PTPRT: variants seen among roughly 807,000 people sequenced by gnomAD.
The protein encoded by PTPRT is receptor-type tyrosine-protein phosphatase T.
PTPRT carries 56 observed loss-of-function variants against 176.8 expected under a neutral mutation model. That is an observed-to-expected ratio of 0.32 (90% CI 0.26 to 0.40). The LOEUF (loss-of-function observed/expected upper bound fraction) is 0.40. Among genes scored for constraint, PTPRT ranks in the 10% least tolerant of loss-of-function variants. The pLI is 1.00. For synonymous variants in PTPRT, 783 were observed against 739.0 expected (o/e 1.06, Z -0.96); for missense variants, 1,540 against 1,908.2 (o/e 0.81, Z 3.60).
intron 9 of PTPRT, among the ~76,000 whole-genome samples, chr20:42,435,709 A>C (rs979970216): frequency 1.5e-4 from 23 of 152,260 alleles, no homozygotes; most frequent in Non-Finnish European, 2.6e-4. Flanking sequence ...TCAATTACCC[A>C]CATATTGTTC....
intron 1 of PTPRT, among the ~76,000 whole-genome samples, chr20:43,116,140 T>TCA (rs1409702758): frequency 1.3e-5 from 2 of 152,154 alleles, no homozygotes; most frequent in African/African-American, 4.8e-5. Flanking sequence ...CACCCAAGAA[T>TCA]CACTTTTTCA....
intron 1 of PTPRT, among the ~76,000 whole-genome samples, chr20:43,003,218 C>T (rs1458469240): frequency 2.0e-5 from 3 of 152,136 alleles, no homozygotes; most frequent in Non-Finnish European, 4.4e-5. Context: ...GACAGGGTCT[C>T]ACTCTGTCAC....
chr20:42,819,829 T>C (rs965344569), intron 2 of PTPRT, among the ~76,000 whole-genome samples: 2 of 152,118 alleles, frequency 1.3e-5, no homozygotes, highest in African/African-American at 4.8e-5. Context: ...AAGAAAGGCA[T>C]TACATAATGG....
chr20:43,004,936 A>G (rs2146137946), intron 1 of PTPRT, among the ~76,000 whole-genome samples: 1 of 152,306 alleles, frequency 6.6e-6, no homozygotes, highest in South Asian at 2.1e-4. Context: ...TTGGCTTTGT[A>G]TATAAGATAC....
chr20:43,065,333 T>C (rs531757391), intron 1 of PTPRT, among the ~76,000 whole-genome samples: 2 of 152,290 alleles, frequency 1.3e-5, no homozygotes, highest in African/African-American at 4.8e-5. Flanking sequence ...TCACATGTAG[T>C]AAGGATTTAC....
chr20:42,032,520 A>G, the PTPRT span, among the ~76,000 whole-genome samples: 3 of 152,172 alleles, frequency 2.0e-5, no homozygotes, highest in African/African-American at 7.2e-5. Context: ...ATTTCTTATT[A>G]ATCATGAGAT....
intron 16 of PTPRT, among the ~76,000 whole-genome samples, chr20:42,190,714 C>A (rs1329028424): frequency 6.6e-6 from 1 of 152,204 alleles, no homozygotes; most frequent in Non-Finnish European, 1.5e-5. Context: ...GCTGATGCTG[C>A]TGTTCTGGAG....
At chr20:42,108,116 G>A (rs1233817361) in intron 23 of PTPRT, among the ~76,000 whole-genome samples, 1 of 151,848 alleles carries the variant, frequency 6.6e-6, no homozygotes. Flanking sequence ...GCCCAATTTG[G>A]TTCCAAATTT....
chr20:43,132,603 T>C (rs912198702), intron 1 of PTPRT, among the ~76,000 whole-genome samples: 8 of 152,144 alleles, frequency 5.3e-5, no homozygotes, highest in African/African-American at 1.7e-4. Context: ...AAACACAGCA[T>C]GAAGAATCAG....
chr20:42,300,918 T>C (rs1387371268), intron 12 of PTPRT, among the ~76,000 whole-genome samples: 2 of 117,346 alleles, frequency 1.7e-5, no homozygotes, highest in African/African-American at 3.4e-5. Flanking sequence ...TGAGAACACA[T>C]GGACACAGGA....
intron 1 of PTPRT, among the ~76,000 whole-genome samples, chr20:42,910,888 A>C (rs929419336): frequency 6.6e-6 from 1 of 152,200 alleles, no homozygotes; most frequent in African/African-American, 2.4e-5. Flanking sequence ...GCCTCAAAAA[A>C]CTTATAATCA....
At chr20:42,301,231 A>C (rs2057463699) in intron 12 of PTPRT, among the ~76,000 whole-genome samples, 1 of 152,252 alleles carries the variant, frequency 6.6e-6, no homozygotes, top group African/African-American at 2.4e-5. Flanking sequence ...TGTGCCACCT[A>C]GTATGACACA....
chr20:42,225,715 C>T (rs913370044), intron 15 of PTPRT, among the ~76,000 whole-genome samples: 5 of 152,182 alleles, frequency 3.3e-5, no homozygotes, highest in Non-Finnish European at 5.9e-5. Flanking sequence ...CGCAGCTGCA[C>T]GATCTTGGCT....
In PTPRT at chr20:42,077,187, G is replaced by A. The variant is rs1982858383; in HGVS notation, c.*3692C>T. ...TTCCTTTGCAGGCCACACCCACAGAGAGGGCCAGCACTAAAAGCAAACTGT... is the reference window on the plus strand; with the variant it reads ...TTCCTTTGCAGGCCACACCCACAGAAAGGGCCAGCACTAAAAGCAAACTGT... On this transcript the variant is annotated 3_prime_UTR_variant, in exon 31 of 31. Transcript: ENST00000373187. 5.4e-6 allele frequency: 1 copy of A among 184,334 alleles called. No individual in the cohort carries two copies. 11.4% of individuals were successfully genotyped at this position (184,334 alleles called of 1,614,324 possible).
intron 17 of PTPRT, among the ~76,000 whole-genome samples, chr20:42,148,260 ATTTTT>A (rs34255255): frequency 7.0e-5 from 8 of 114,074 alleles, no homozygotes; most frequent in African/African-American, 2.2e-4. Context: ...CAAGGCAGTC[ATTTTT>A]TTTTTTTTTT....
intron 2 of PTPRT, among the ~76,000 whole-genome samples, chr20:42,809,997 T>C (rs2077674130): frequency 6.6e-6 from 1 of 152,046 alleles, no homozygotes; most frequent in African/African-American, 2.4e-5. Context: ...TTTGTACTAA[T>C]AAAATAGAGT....
At chr20:42,785,838 C>G (rs1370731722) in intron 3 of PTPRT, among the ~76,000 whole-genome samples, 3 of 152,114 alleles carry the variant, frequency 2.0e-5, no homozygotes, top group African/African-American at 7.2e-5. Flanking sequence ...TCCTTTTTCC[C>G]TCCCTCCCTT....
chr20:42,068,654 T>G (rs1465094816), downstream of PTPRT, among the ~76,000 whole-genome samples: 1 of 152,230 alleles, frequency 6.6e-6, no homozygotes, highest in Non-Finnish European at 1.5e-5. Flanking sequence ...TTTGCATCTT[T>G]TAGGCAGCAA....
chr20:42,603,049 C>A (rs1030161324), intron 7 of PTPRT, among the ~76,000 whole-genome samples: 15 of 152,188 alleles, frequency 9.9e-5, no homozygotes, highest in Admixed American at 9.2e-4. Flanking sequence ...CCCAACAATT[C>A]TTTAATGAGC....
Sources: gnomAD v4.1 joint callset for allele counts (sites outside exome capture counted in the v4.1 genomes callset) on GRCh38, gnomAD v4.1.1 for gene constraint, MANE v1.5 for transcripts, NCBI Gene and HGNC (gene_info 2026-07-23, HGNC 2026-07-21) for gene names.